PLXNB3: variants seen among roughly 807,000 people sequenced by gnomAD.
The protein encoded by PLXNB3 is plexin B3, also known as plexin-B3.
In PLXNB3, 80 loss-of-function variants were observed where a neutral mutation model predicts 125.7. The observed-to-expected ratio is 0.64, with a 90% CI of 0.53 to 0.77. The LOEUF is 0.77. Ranked by LOEUF, PLXNB3 falls within the 30% of genes least tolerant of loss-of-function variation. The probability of loss-of-function intolerance (pLI) is 0.00; values close to 1 mark genes in which losing one functional copy is unlikely to be tolerated. For synonymous variants in PLXNB3, 954 were observed against 783.3 expected (o/e 1.22, Z -3.64); for missense variants, 1,836 against 1,729.3 (o/e 1.06, Z -1.09).
In PLXNB3 at chrX:153,773,347, C is replaced by T; in HGVS notation, c.3024C>T (p.Pro1008=). ...GHAQRTLLAS[P]FRYTANPQLV... is the part of the protein sequence containing the mutation. ...CCCAGCGCACACTGCTCGCCAGCCC[C>T]TTCCGCTACACCGCCAACCCCCAGC... Residue 1008 remains proline (P), a synonymous_variant, in exon 18 of 36, where the codon CCC becomes CCT. Transcript: ENST00000361971. 5 of 1,209,101 alleles carry T rather than the reference C, an allele frequency of 4.1e-6. No individual in the cohort carries two copies. The highest frequency in any genetic ancestry group is 5.6e-6 in the Non-Finnish European group (5 of 894,484).
In PLXNB3 at chrX:153,768,314, C is replaced by G; in HGVS notation, c.1152C>G (p.Pro384=). 8.3e-7 allele frequency: 1 copy of G among 1,208,960 alleles called. No individual in the cohort carries two copies. Among genetic ancestry groups the G allele is most frequent in the Admixed American group, 2.2e-5 (1 of 46,119 alleles). The change falls in exon 4 of 36, where the codon CCC becomes CCG. Residue 384 remains proline, a synonymous_variant. Transcript: ENST00000361971. The stretch of plus-strand genomic sequence containing the variant: ...CCAGCCCCATTGCTGGCCGCCAGCC[C>G]CTGGAGGTCCAGCCTCTGCTGAAGC... The part of the protein sequence containing the change: ...HTPSPIAGRQ[P]LEVQPLLKLG...
At position 153,773,552 on chromosome X, in the gene PLXNB3, C is replaced by T; in HGVS notation, c.3118C>T (p.Leu1040=). The change falls in exon 19 of 36, where the codon CTA becomes TTA. Residue 1040 remains leucine (L), a synonymous_variant. Coordinates refer to ENST00000361971, the MANE Select transcript of PLXNB3 (RefSeq NM_005393.3). ...ACTGATCCGTGTCAGGGGCACCGGC[C>T]TAGACGTGGTGCAGCGGCCCCTACT... The part of the protein sequence containing the change: ...GRLIRVRGTG[L]DVVQRPLLSV... 1.7e-6 allele frequency: 2 copies of T among 1,204,340 alleles called. No individual in the cohort carries two copies. Among genetic ancestry groups the T allele is most frequent in the East Asian group, 3.0e-5 (1 of 33,789 alleles).
intron 2 of PLXNB3, chrX:153,766,257 C>T (rs946231632): frequency 1.7e-5 from 20 of 1,165,288 alleles, no homozygotes; most frequent in African/African-American, 8.9e-5. Flanking sequence ...TTGCTCAGCC[C>T]GCGGCTGCCT....
chrX:153,768,483 G>C, intron 4 of PLXNB3, 55 bp downstream of exon 4: 1 of 1,077,938 alleles, frequency 9.3e-7, no homozygotes, highest in Non-Finnish European at 1.3e-6. Flanking sequence ...CGGAGGCTCA[G>C]GAAAGCCCCC....
At chrX:153,766,417 C>T (rs2091858608) in intron 2 of PLXNB3, 1 of 1,078,462 alleles carries the variant, frequency 9.3e-7, no homozygotes, top group Non-Finnish European at 1.2e-6. Flanking sequence ...GTGGTGGGCG[C>T]AGGGGCGCGC....
chrX:153,774,080 C>A lies in PLXNB3; in HGVS notation c.3501C>A (p.Gly1167=), dbSNP rs1208448789. Residue 1167 remains glycine (G), a synonymous_variant, in exon 20 of 36, where the codon GGC becomes GGA. Transcript: ENST00000361971. ...CCCGCCCCTACCGCCTCAAGCCAGG[C>A]CATGTCCTGGATGTGGAGGTGAGGG... ...GPARPYRLKP[G]HVLDVEGEGL... 4.2e-6 allele frequency: 5 copies of A among 1,189,805 alleles called. No individual in the cohort carries two copies. The African/African-American group carries it at 8.7e-5, about 21-fold the overall frequency.
chrX:153,774,320 T>C lies in PLXNB3; in HGVS notation c.3654T>C (p.Asn1218=). The C allele has an allele frequency of 8.6e-7, 1 of 1,161,709 alleles. No homozygotes were observed. Among genetic ancestry groups the C allele is most frequent in the Non-Finnish European group, 1.1e-6 (1 of 872,055 alleles). ...EPPAHAPQPA[N]GSGLPQFVVQ... Reference sequence around the variant, plus strand: ...CTGCGCACGCCCCGCAGCCTGCCAATGGCTCCGGCCTGCCACAGTTCGTGG... The same window carrying C: ...CTGCGCACGCCCCGCAGCCTGCCAACGGCTCCGGCCTGCCACAGTTCGTGG... The change falls in exon 21 of 36, where the codon AAT becomes AAC. Residue 1218 remains asparagine, a synonymous_variant. Coordinates refer to ENST00000361971, the MANE Select transcript of PLXNB3 (RefSeq NM_005393.3).
In PLXNB3 at chrX:153,777,557, C is replaced by T. The variant is rs782700499; in HGVS notation, c.5130C>T (p.Thr1710=). The T allele has an allele frequency of 8.3e-7, 1 of 1,211,937 alleles. No individual in the cohort carries two copies. The highest frequency in any genetic ancestry group is 2.2e-5 in the Admixed American group (1 of 46,180). The part of the protein sequence containing the change: ...KGTLQKFVDD[T]FQAILSVNRP... The stretch of plus-strand genomic sequence containing the variant: ...CGCTGCAGAAGTTTGTGGACGACAC[C>T]TTCCAGGCCATTCTCAGCGTGAACC... The change falls in exon 31 of 36, where the codon ACC becomes ACT. Residue 1710 remains threonine (T), a synonymous_variant. Coordinates refer to ENST00000361971, the MANE Select transcript of PLXNB3 (RefSeq NM_005393.3).
chrX:153,767,167 G>A lies in PLXNB3; in HGVS notation c.340G>A (p.Asp114Asn). The change falls in exon 3 of 36, where the codon GAC (aspartate) becomes AAC (asparagine). Residue 114 changes from aspartate to asparagine, a missense_variant. By Grantham distance (23) the Asp-to-Asn change is conservative. Coordinates refer to ENST00000361971, the MANE Select transcript of PLXNB3 (RefSeq NM_005393.3). ...CGAGTGCCCACAGGCCCAGCTCACTGACAATGCCAACCAGCTGCTGCTGGT... is the reference window on the plus strand; with the variant it reads ...CGAGTGCCCACAGGCCCAGCTCACTAACAATGCCAACCAGCTGCTGCTGGT... ...PAECPQAQLTDNANQLLLVSS... is the reference protein window; with the variant it reads ...PAECPQAQLTNNANQLLLVSS... The A allele has an allele frequency of 8.3e-7, 1 of 1,207,826 alleles. No homozygotes were observed. The highest frequency in any genetic ancestry group is 1.1e-6 in the Non-Finnish European group (1 of 894,036).
At position 153,771,623 on chromosome X, in the gene PLXNB3, G is replaced by C. The variant is rs375202688; in HGVS notation, c.2485G>C (p.Glu829Gln). Residue 829 changes from glutamate (E) to glutamine (Q), a missense_variant, in exon 14 of 36, where the codon GAG (glutamate) becomes CAG (glutamine). Coordinates refer to ENST00000361971, the MANE Select transcript of PLXNB3 (RefSeq NM_005393.3). ...YGPLCPPGAV[E>Q]LLCPAPSIDA... is the part of the protein sequence containing the mutation. ...GCCCTTGTGCCCGCCGGGGGCTGTG[G>C]AGCTGCTGTGTCCTGCGCCCAGCAT... 1.8e-5 allele frequency: 22 copies of C among 1,199,457 alleles called. No individual in the cohort carries two copies. Among genetic ancestry groups the C allele is most frequent in the South Asian group, 9.1e-5 (5 of 55,196 alleles).
At chrX:153,766,539 G>C (rs926073448) in intron 2 of PLXNB3, 1 of 1,034,129 alleles carries the variant, frequency 9.7e-7, no homozygotes, top group Admixed American at 4.9e-5. Flanking sequence ...GCGCTCTTGC[G>C]GCTTTCCAGG....
Position 153,774,693 on chromosome X carries a change from C to T in PLXNB3, c.3831-13C>T. 8.7e-7 allele frequency: 1 copy of T among 1,155,166 alleles called. No individual in the cohort carries two copies. The highest frequency in any genetic ancestry group is 1.2e-6 in the Non-Finnish European group (1 of 865,544). On this transcript the variant is annotated splice_polypyrimidine_tract_variant and intron_variant, in intron 22 of 35. Transcript: ENST00000361971. ...CCCCGGCCCTGGCTGATGAAGCTGG[C>T]CCCGGGCTGCAGGCACAAGAGCAAG...
At position 153,771,472 on chromosome X, in the gene PLXNB3, C is replaced by G. The variant is rs782629540; in HGVS notation, c.2348-14C>G. On this transcript the variant is annotated splice_polypyrimidine_tract_variant and intron_variant, in intron 13 of 35. Coordinates refer to ENST00000361971, the MANE Select transcript of PLXNB3 (RefSeq NM_005393.3). ...AGACAGGAGGCGCTCAGCACACTGC[C>G]TGACCCTCCCTAGTGATCCTGTACG... 1.7e-6 allele frequency: 2 copies of G among 1,207,691 alleles called. No individual in the cohort carries two copies. The highest frequency in any genetic ancestry group is 2.2e-6 in the Non-Finnish European group (2 of 893,313).
Position 153,769,659 on chromosome X carries a change from C to T in PLXNB3, c.1497-148C>T, listed in dbSNP as rs2091901978. 8.0e-6 allele frequency: 5 copies of T among 623,484 alleles called. No individual in the cohort carries two copies. In the South Asian group the frequency reaches 1.5e-4, roughly 19 times the overall value. 51.4% of individuals were successfully genotyped at this position (623,484 alleles called of 1,213,427 possible). ...GCCATGAGGCCCTGCCTGCTTGGCC[C>T]CTTTCTCTCTGGACACAGTCCCCTT... is the stretch of plus-strand genomic sequence containing the variant. On this transcript the variant is annotated intron_variant, in intron 6 of 35. Coordinates refer to ENST00000361971, the MANE Select transcript of PLXNB3 (RefSeq NM_005393.3).
chrX:153,776,501 G>T (rs782427962), intron 28 of PLXNB3, 42 bp downstream of exon 28: 2 of 428,701 alleles, frequency 4.7e-6, no homozygotes, highest in African/African-American at 3.6e-5. Flanking sequence ...GGCTGGGGCG[G>T]GGCAGGGCGA....
chrX:153,778,229 C>G, intron 32 of PLXNB3, 32 bp from the exon 33 acceptor site: 2 of 1,201,422 alleles, frequency 1.7e-6, no homozygotes, highest in Non-Finnish European at 2.3e-6. Context: ...CCTCCGAGCT[C>G]ATGCCTAGCG....
rs1240143908 is a variant in PLXNB3, at chrX:153,779,091, T to C, written c.*52T>C. The C allele has an allele frequency of 9.7e-6, 9 of 929,677 alleles. No homozygotes were observed. Among genetic ancestry groups the C allele is most frequent in the Non-Finnish European group, 1.3e-5 (9 of 682,078 alleles). 76.6% of individuals were successfully genotyped at this position (929,677 alleles called of 1,213,427 possible). A position where few individuals can be genotyped will look rare whatever the true frequency, so the allele number is the denominator to read the frequency against. ...GATCCACCAACACCGCAGCGCCTTA[T>C]GACCCCGGAACCGAGCCAGCCACTG... On this transcript the variant is annotated 3_prime_UTR_variant, in exon 36 of 36. Transcript: ENST00000361971.
rs1047182724 is a variant in PLXNB3 at position 153,776,303 on chromosome X, T to G, written c.4730-53T>G. ...CCCCTCAACTGTGTCTTACTATGAG[T>G]GTGGGGCGTGGAGAGCAGGCTGTAG... On this transcript the variant is annotated intron_variant, in intron 27 of 35. Coordinates refer to ENST00000361971, the MANE Select transcript of PLXNB3 (RefSeq NM_005393.3). The G allele has an allele frequency of 4.8e-5, 52 of 1,076,519 alleles. No individual in the cohort carries two copies. The African/African-American group carries it at 6.9e-4, about 14-fold the overall frequency. 88.7% of individuals were successfully genotyped at this position (1,076,519 alleles called of 1,213,427 possible).
chrX:153,771,659 A>C lies in PLXNB3; in HGVS notation c.2517+4A>C. ...TCCTGCGCCCAGCATTGATGCAGTG[A>C]GTCTCCTGCCGGGCCCCCACAGCCC... On this transcript the variant is annotated splice_donor_region_variant and intron_variant, in intron 14 of 35. Coordinates refer to ENST00000361971, the MANE Select transcript of PLXNB3 (RefSeq NM_005393.3). 4.2e-6 allele frequency: 5 copies of C among 1,177,380 alleles called. No homozygotes were observed. The highest frequency in any genetic ancestry group is 4.5e-6 in the Non-Finnish European group (4 of 879,314).
Sources: allele counts gnomAD v4.1 joint callset, GRCh38; gene constraint gnomAD v4.1.1; transcripts MANE v1.5; gene names NCBI Gene and HGNC (gene_info 2026-07-23, HGNC 2026-07-21).